AFF3: variants seen among roughly 807,000 people sequenced by gnomAD.
The protein encoded by AFF3 is AF4/FMR2 family member 3.
AFF3 carries 32 observed loss-of-function variants against 129.7 expected under a neutral mutation model. That is an observed-to-expected ratio of 0.25 (90% CI 0.19 to 0.33). The LOEUF (loss-of-function observed/expected upper bound fraction) is 0.33. Among genes scored for constraint, AFF3 ranks in the 10% least tolerant of loss-of-function variants. AFF3 has a pLI of 1.00. For missense variants in AFF3, 1,373 were observed against 1,592.0 expected (o/e 0.86, Z 2.34); for synonymous variants, 644 against 635.4 (o/e 1.01, Z -0.20).
chr2:99,605,823 C>T (rs1558636197), intron 13 of AFF3, among the ~76,000 whole-genome samples: 1 of 152,034 alleles, frequency 6.6e-6, no homozygotes, highest in Admixed American at 6.6e-5. Flanking sequence ...GCTGGAACTA[C>T]AGGCATGTAC....
intron 11 of AFF3, among the ~76,000 whole-genome samples, chr2:99,697,198 A>C (rs533363370): frequency 6.6e-6 from 1 of 152,356 alleles, no homozygotes; most frequent in East Asian, 1.9e-4. Flanking sequence ...CGTGTTTTAC[A>C]AGAGTTCCAT....
At chr2:100,129,876 G>T (rs1279393166) in intron 1 of AFF3, among the ~76,000 whole-genome samples, 1 of 152,176 alleles carries the variant, frequency 6.6e-6, no homozygotes, top group Admixed American at 6.5e-5. Context: ...CTAGTGCCTG[G>T]CATGTATGAG....
At chr2:99,578,861 A>G (rs928534410) in intron 17 of AFF3, among the ~76,000 whole-genome samples, 1 of 152,186 alleles carries the variant, frequency 6.6e-6, no homozygotes, top group Admixed American at 6.5e-5. Flanking sequence ...GGGCTGGTGA[A>G]AACACAGATT....
intron 4 of AFF3, among the ~76,000 whole-genome samples, chr2:100,101,351 T>C (rs1020963078): frequency 4.0e-5 from 6 of 151,146 alleles, no homozygotes; most frequent in African/African-American, 1.5e-4. Flanking sequence ...TTCCAATTTG[T>C]TCAATTGGAA....
chr2:100,016,020 AGTG>A (rs79769916), intron 4 of AFF3, among the ~76,000 whole-genome samples: 24,316 of 146,272 alleles, frequency 0.17, 2,288 homozygotes, highest in African/African-American at 0.24. Flanking sequence ...GTGTTGTGGT[AGTG>A]GTGGTGGTGG....
chr2:99,969,050 C>T (rs1678079104), intron 7 of AFF3, among the ~76,000 whole-genome samples: 1 of 152,228 alleles, frequency 6.6e-6, no homozygotes. Flanking sequence ...TTCTGCCCCA[C>T]ACTCCTGCTG....
intron 8 of AFF3, among the ~76,000 whole-genome samples, chr2:99,830,283 T>TA (rs1044852513): frequency 4.0e-4 from 59 of 146,780 alleles, no homozygotes; most frequent in African/African-American, 1.0e-3. Context: ...GAGCTTAAAG[T>TA]AAAAAAAAAA....
chr2:99,940,090 C>T (rs928441529), intron 7 of AFF3, among the ~76,000 whole-genome samples: 9 of 152,186 alleles, frequency 5.9e-5, no homozygotes, highest in African/African-American at 2.2e-4. Flanking sequence ...GGCAAATGCC[C>T]CATGCTATAA....
intron 8 of AFF3, among the ~76,000 whole-genome samples, chr2:99,768,358 C>A (rs1442980105): frequency 6.6e-6 from 1 of 152,220 alleles, no homozygotes; most frequent in African/African-American, 2.4e-5. Context: ...TATACATGCA[C>A]TAAGATGGGG....
chr2:100,129,317 A>C lies in AFF3; in HGVS notation c.-227-11T>G, dbSNP rs1308341614. ...TATGTGTGAAACTTTCTGCAAAACA[A>C]AAGCGATTGGGTATTTAGGCAAAAA... is the stretch of plus-strand genomic sequence containing the variant. On this transcript the variant is annotated splice_polypyrimidine_tract_variant and intron_variant, in intron 1 of 24. Transcript: ENST00000672756. 2 of 151,900 alleles carry C rather than the reference A, an allele frequency of 1.3e-5. No homozygotes were observed. Among genetic ancestry groups the C allele is most frequent in the African/African-American group, 4.8e-5 (2 of 41,346 alleles). The allele number at this position is 151,900 out of a possible 1,614,324, so 9.4% of individuals were successfully genotyped here.
chr2:99,791,723 C>T (rs1685200577), intron 8 of AFF3, among the ~76,000 whole-genome samples: 1 of 152,180 alleles, frequency 6.6e-6, no homozygotes, highest in Admixed American at 6.5e-5. Context: ...TGCATGTTTC[C>T]AGACAAGGCT....
At chr2:99,597,151 G>A (rs1679368107) in intron 14 of AFF3, among the ~76,000 whole-genome samples, 1 of 152,168 alleles carries the variant, frequency 6.6e-6, no homozygotes, top group African/African-American at 2.4e-5. Context: ...GCTCTACGGA[G>A]ACTAACTTTG....
chr2:99,691,513 T>C (rs1267440275), intron 11 of AFF3, among the ~76,000 whole-genome samples: 1 of 152,150 alleles, frequency 6.6e-6, no homozygotes, highest in Non-Finnish European at 1.5e-5. Context: ...ATTAATGAGC[T>C]TGTGCACCAG....
intron 4 of AFF3, among the ~76,000 whole-genome samples, chr2:100,016,962 T>C (rs546545310): frequency 6.6e-6 from 1 of 151,388 alleles, no homozygotes; most frequent in African/African-American, 2.4e-5. Context: ...ATGGTGGTGA[T>C]GATGGTGGTA....
At chr2:99,878,438 A>AT (rs1394799424) in intron 7 of AFF3, among the ~76,000 whole-genome samples, 1 of 152,158 alleles carries the variant, frequency 6.6e-6, no homozygotes, top group Non-Finnish European at 1.5e-5. Context: ...TTCATGATGG[A>AT]TTTTTAAACA....
chr2:99,613,057 C>T (rs1681083337), intron 13 of AFF3, among the ~76,000 whole-genome samples: 1 of 152,204 alleles, frequency 6.6e-6, no homozygotes, highest in Non-Finnish European at 1.5e-5. Flanking sequence ...CAATAAAACA[C>T]ATGACACCAT....
intron 4 of AFF3, among the ~76,000 whole-genome samples, chr2:100,092,070 C>T (rs1040655931): frequency 1.1e-4 from 16 of 151,892 alleles, no homozygotes; most frequent in African/African-American, 2.9e-4. Context: ...ATGCTGATAA[C>T]GCCCACTTAT....
chr2:99,715,395 A>G (rs1189078931), intron 11 of AFF3, among the ~76,000 whole-genome samples: 1 of 152,196 alleles, frequency 6.6e-6, no homozygotes, highest in African/African-American at 2.4e-5. Flanking sequence ...TATTGTTATA[A>G]CAGGAGGAAC....
intron 11 of AFF3, among the ~76,000 whole-genome samples, chr2:99,726,814 TC>T (rs1679400466): frequency 6.6e-6 from 1 of 151,910 alleles, no homozygotes; most frequent in African/African-American, 2.4e-5. Flanking sequence ...TCCAACCAAA[TC>T]CCCCCAGCAT....
Sources: allele counts gnomAD v4.1 joint callset (sites outside exome capture counted in the v4.1 genomes callset), GRCh38; gene constraint gnomAD v4.1.1; transcripts MANE v1.5; gene names NCBI Gene and HGNC (gene_info 2026-07-23, HGNC 2026-07-21).